The following GRID2 variants were observed in gnomAD, a reference collection of about 807,000 sequenced individuals.
GRID2 encodes the protein glutamate ionotropic receptor delta type subunit 2, also known as glutamate receptor ionotropic, delta-2.
Under a neutral mutation model 114.8 loss-of-function variants are expected in GRID2, and 33 were observed. That is an observed-to-expected ratio of 0.29 (90% confidence interval 0.22 to 0.38). The LOEUF is 0.38. Among genes scored for constraint, GRID2 ranks in the 10% least tolerant of loss-of-function variants. GRID2 has a pLI of 1.00. For synonymous variants in GRID2, 505 were observed against 449.9 expected (o/e 1.12, Z -1.55); for missense variants, 1,184 against 1,257.7 (o/e 0.94, Z 0.89).
At position 92,544,944 on chromosome 4, in the gene GRID2, C is replaced by T. The variant is rs188613055; in HGVS notation, c.89-45187C>T. Among the ~76,000 whole-genome samples, 4 of 152,118 alleles carry T rather than the reference C, an allele frequency of 2.6e-5. No homozygotes were observed. In the East Asian group the frequency reaches 7.8e-4, roughly 29 times the overall value. Reference sequence around the variant, plus strand: ...GGTAATGAGCCCAGAAATTATGCTGCTACTTTTACACCTTTATTCTTTTTA... The same window carrying T: ...GGTAATGAGCCCAGAAATTATGCTGTTACTTTTACACCTTTATTCTTTTTA... On this transcript the variant is annotated intron_variant, in intron 1 of 15. Transcript: ENST00000282020.
chr4:92,428,008 A>T (rs1732242703), intron 1 of GRID2, among the ~76,000 whole-genome samples: 1 of 152,152 alleles, frequency 6.6e-6, no homozygotes, highest in Admixed American at 6.5e-5. Context: ...CATGCCTGTA[A>T]TCCCAGCACT....
At chr4:93,239,041 G>A (rs901026856) in intron 8 of GRID2, among the ~76,000 whole-genome samples, 1 of 150,428 alleles carries the variant, frequency 6.6e-6, no homozygotes, top group African/African-American at 2.4e-5. Flanking sequence ...GAAATACTGG[G>A]ACAATAACTT....
chr4:93,149,500 C>T (rs1372632354), intron 4 of GRID2, among the ~76,000 whole-genome samples: 3 of 151,076 alleles, frequency 2.0e-5, no homozygotes, highest in African/African-American at 2.4e-5. Context: ...TGCTTGAATA[C>T]GGGATGCAGA....
At chr4:92,420,747 T>G (rs1731862978) in intron 1 of GRID2, among the ~76,000 whole-genome samples, 1 of 152,180 alleles carries the variant, frequency 6.6e-6, no homozygotes, top group African/African-American at 2.4e-5. Context: ...TGTAGTGGTG[T>G]GATCTCAGCT....
chr4:93,614,021 G>C (rs1003236077), intron 13 of GRID2, among the ~76,000 whole-genome samples: 1 of 151,968 alleles, frequency 6.6e-6, no homozygotes, highest in African/African-American at 2.4e-5. Flanking sequence ...GTGGTGCGCC[G>C]TTTTTTAAGC....
chr4:92,922,007 T>A (rs1749389528), intron 2 of GRID2, among the ~76,000 whole-genome samples: 1 of 152,192 alleles, frequency 6.6e-6, no homozygotes, highest in Non-Finnish European at 1.5e-5. Context: ...AGTTCAAGCT[T>A]CCTGGCCACT....
intron 2 of GRID2, among the ~76,000 whole-genome samples, chr4:93,055,171 C>T (rs1334011610): frequency 2.6e-5 from 4 of 151,750 alleles, no homozygotes; most frequent in Non-Finnish European, 4.4e-5. Context: ...TTTTGTTCCT[C>T]TTTTTCAATT....
At chr4:92,990,086 C>T (rs1578689552) in intron 2 of GRID2, among the ~76,000 whole-genome samples, 1 of 152,002 alleles carries the variant, frequency 6.6e-6, no homozygotes, top group African/African-American at 2.4e-5. Flanking sequence ...ATAGCAAACA[C>T]TTGGAAGTGG....
At chr4:93,175,552 C>G (rs982328278) in intron 4 of GRID2, among the ~76,000 whole-genome samples, 1 of 151,806 alleles carries the variant, frequency 6.6e-6, no homozygotes, top group African/African-American at 2.4e-5. Flanking sequence ...TTTTAAAAGC[C>G]CTGTGGATTT....
At chr4:92,545,895 C>T (rs1218941234) in intron 1 of GRID2, among the ~76,000 whole-genome samples, 1 of 152,138 alleles carries the variant, frequency 6.6e-6, no homozygotes, top group African/African-American at 2.4e-5. Flanking sequence ...TATAAATCTC[C>T]AAATGAAAAA....
chr4:93,736,860 T>TAA (rs1476590871), intron 14 of GRID2, among the ~76,000 whole-genome samples: 1 of 82,786 alleles, frequency 1.2e-5, no homozygotes, highest in Non-Finnish European at 2.5e-5. Context: ...ACAGACTTGC[T>TAA]CAAAAAAAAA....
intron 2 of GRID2, among the ~76,000 whole-genome samples, chr4:92,750,776 A>G (rs1315567052): frequency 6.6e-6 from 1 of 152,250 alleles, no homozygotes; most frequent in East Asian, 1.9e-4. Context: ...ACAGTGTTGC[A>G]GAAGAGCATG....
At chr4:92,392,280 C>A (rs938085779) in intron 1 of GRID2, among the ~76,000 whole-genome samples, 2 of 151,874 alleles carry the variant, frequency 1.3e-5, no homozygotes, top group East Asian at 3.9e-4. Context: ...CTTGGCTGGG[C>A]GCGGTGGCCT....
chr4:93,384,129 C>T (rs1214467681), intron 8 of GRID2, among the ~76,000 whole-genome samples: 1 of 152,132 alleles, frequency 6.6e-6, no homozygotes, highest in African/African-American at 2.4e-5. Flanking sequence ...ACAGTATCCT[C>T]ACATGGCCAA....
intron 14 of GRID2, among the ~76,000 whole-genome samples, chr4:93,631,978 AT>A (rs566684700): frequency 1.3e-5 from 2 of 152,002 alleles, no homozygotes; most frequent in Non-Finnish European, 2.9e-5. Context: ...GATGATGAGC[AT>A]TTTTTCATGT....
At chr4:92,724,910 CTT>C (rs997685182) in intron 2 of GRID2, among the ~76,000 whole-genome samples, 1 of 152,070 alleles carries the variant, frequency 6.6e-6, no homozygotes, top group African/African-American at 2.4e-5. Context: ...TTCCAATTTG[CTT>C]TGTTAAAATT....
At chr4:92,576,024 T>G (rs1333387603) in intron 1 of GRID2, among the ~76,000 whole-genome samples, 2 of 152,226 alleles carry the variant, frequency 1.3e-5, no homozygotes, top group African/African-American at 4.8e-5. Context: ...CCCATTGGCT[T>G]GGACTCTCCA....
intron 2 of GRID2, among the ~76,000 whole-genome samples, chr4:92,632,632 GAAAGAAAGA>G (rs753631179): frequency 5.9e-5 from 9 of 151,320 alleles, no homozygotes; most frequent in Non-Finnish European, 1.2e-4. Context: ...ATTCTGTCTC[GAAAGAAAGA>G]AAAGAAAGGA....
At chr4:93,340,735 A>T (rs1433664) in intron 8 of GRID2, among the ~76,000 whole-genome samples, 97 of 152,126 alleles carry the variant, frequency 6.4e-4, no homozygotes, top group Non-Finnish European at 1.1e-3. Context: ...TGTCCCGAAG[A>T]TGAAAGAGTT....
Sources: gnomAD v4.1 joint callset for allele counts (sites outside exome capture counted in the v4.1 genomes callset) on GRCh38, gnomAD v4.1.1 for gene constraint, MANE v1.5 for transcripts, NCBI Gene and HGNC (gene_info 2026-07-23, HGNC 2026-07-21) for gene names.